Variants in FHIT observed in about 807,000 individuals in gnomAD.
FHIT encodes the protein fragile histidine triad diadenosine triphosphatase.
In FHIT, 19 loss-of-function variants were observed where a neutral mutation model predicts 17.9. The ratio of observed to expected loss-of-function variants is 1.06; its 90% CI spans 0.74 to 1.56. FHIT has a LOEUF of 1.56. FHIT is among the 40% of genes most tolerant of loss of function. The pLI, the probability that FHIT is intolerant of heterozygous loss-of-function variation, is 0.00. For missense variants in FHIT, 248 were observed against 189.2 expected (o/e 1.31, Z -1.82); for synonymous variants, 81 against 69.7 (o/e 1.16, Z -0.81).
At chr3:59,763,404 G>A (rs997272306) in intron 8 of FHIT, among the ~76,000 whole-genome samples, 1 of 152,190 alleles carries the variant, frequency 6.6e-6, no homozygotes, top group Non-Finnish European at 1.5e-5. Flanking sequence ...AACATTGCAG[G>A]CAGCAGCAAC....
intron 5 of FHIT, among the ~76,000 whole-genome samples, chr3:60,175,864 T>C (rs1326768863): frequency 2.0e-5 from 3 of 152,044 alleles, no homozygotes; most frequent in South Asian, 4.1e-4. Flanking sequence ...GTACAACCCA[T>C]AGAAACCATG....
Position 60,920,728 on chromosome 3 carries a change from T to C in FHIT, c.-110-98717A>G, listed in dbSNP as rs1707239412. ...CTGCAGCTGGAGCGGTAGAACCTTTTCAGTCATGTTTAAAGAATTTAAATT... is the reference window on the plus strand; with the variant it reads ...CTGCAGCTGGAGCGGTAGAACCTTTCCAGTCATGTTTAAAGAATTTAAATT... On this transcript the variant is annotated intron_variant, in intron 3 of 9. Coordinates refer to ENST00000492590, the MANE Select transcript of FHIT (RefSeq NM_002012.4). Among the ~76,000 whole-genome samples, 3 of 152,156 alleles carry C rather than the reference T, an allele frequency of 2.0e-5. No homozygotes were observed. The South Asian group carries it at 6.2e-4, about 32-fold the overall frequency.
At chr3:60,296,448 T>A (rs1336206847) in intron 5 of FHIT, among the ~76,000 whole-genome samples, 4 of 152,150 alleles carry the variant, frequency 2.6e-5, no homozygotes, top group Non-Finnish European at 4.4e-5. Context: ...TCTTTTTGTG[T>A]GTTTATCAGT....
chr3:60,730,177 G>C (rs1553710765), intron 4 of FHIT: 1 of 405,244 alleles, frequency 2.5e-6, no homozygotes. Flanking sequence ...GTCACTAATG[G>C]CTCTGTGTAT....
chr3:60,880,451 G>C (rs1704908225), intron 3 of FHIT, among the ~76,000 whole-genome samples: 1 of 152,220 alleles, frequency 6.6e-6, no homozygotes, highest in African/African-American at 2.4e-5. Context: ...CACTGGTAGA[G>C]GCTGAGCATG....
intron 4 of FHIT, among the ~76,000 whole-genome samples, chr3:60,767,087 C>T (rs565660866): frequency 6.6e-6 from 1 of 152,302 alleles, no homozygotes; most frequent in South Asian, 2.1e-4. Context: ...AAACTTACGT[C>T]TTGAATTGAG....
chr3:59,798,532 C>G (rs1403551083), intron 8 of FHIT, among the ~76,000 whole-genome samples: 1 of 152,152 alleles, frequency 6.6e-6, no homozygotes. Flanking sequence ...CACAAGAATT[C>G]AGGGGTGGTC....
intron 2 of FHIT, among the ~76,000 whole-genome samples, chr3:61,173,102 C>G (rs1222387370): frequency 6.6e-6 from 1 of 152,142 alleles, no homozygotes; most frequent in Non-Finnish European, 1.5e-5. Flanking sequence ...TTTTAAATAC[C>G]TTGATTTAAA....
rs1006769507 is a variant in FHIT at position 60,927,780 on chromosome 3, T to G, written c.-110-105769A>C. Among the ~76,000 whole-genome samples the G allele has an allele frequency of 2.6e-5, 4 of 152,142 alleles. No homozygotes were observed. The East Asian group carries it at 5.8e-4, about 22-fold the overall frequency. ...CCGCCTGGGAGGTGAGGAGCCCCTC[T>G]GCCCGGCCGCCAATCCATCTGGGAG... On this transcript the variant is annotated intron_variant, in intron 3 of 9. Transcript: ENST00000492590.
intron 5 of FHIT, among the ~76,000 whole-genome samples, chr3:60,098,831 C>T (rs996297086): frequency 6.6e-6 from 1 of 152,118 alleles, no homozygotes; most frequent in Non-Finnish European, 1.5e-5. Context: ...TTCTGGTAAA[C>T]AGTAGTCAAA....
intron 5 of FHIT, among the ~76,000 whole-genome samples, chr3:60,162,050 T>C (rs1700963761): frequency 6.6e-6 from 1 of 152,092 alleles, no homozygotes; most frequent in Non-Finnish European, 1.5e-5. Context: ...GAGAAATGTA[T>C]GGGGAAATGT....
At chr3:60,856,430 G>A (rs1553750002) in intron 3 of FHIT, 1 of 151,720 alleles carries the variant, frequency 6.6e-6, no homozygotes, top group African/African-American at 2.4e-5. Context: ...CTCCCCAAAG[G>A]AAGAAAAAAA....
rs1420420590 is a variant in FHIT at position 60,690,267 on chromosome 3, C to T, written c.-18+131652G>A. 21 of 547,628 alleles carry T rather than the reference C, an allele frequency of 3.8e-5. No individual in the cohort carries two copies. The Admixed American group carries it at 4.0e-4, about 10-fold the overall frequency. 33.9% of individuals were successfully genotyped at this position (547,628 alleles called of 1,614,324 possible). On this transcript the variant is annotated intron_variant, in intron 4 of 9. Transcript: ENST00000492590. The stretch of plus-strand genomic sequence containing the variant: ...CAGCAATAGTGACCTTCTTGCTAGT[C>T]TTGCCATTCCTGAACACAAAGCGCT...
chr3:61,133,602 A>G (rs1297829123), intron 2 of FHIT, among the ~76,000 whole-genome samples: 4 of 152,240 alleles, frequency 2.6e-5, no homozygotes, highest in Admixed American at 6.5e-5. Flanking sequence ...GGAATCATCT[A>G]TGTAGTGGAA....
intron 3 of FHIT, among the ~76,000 whole-genome samples, chr3:60,828,802 C>T (rs1157482601): frequency 4.6e-5 from 7 of 152,086 alleles, no homozygotes; most frequent in South Asian, 2.1e-4. Flanking sequence ...CAGTTCAACC[C>T]GGGAGGCAGA....
chr3:60,234,371 T>C lies in FHIT; in HGVS notation c.104-220219A>G, dbSNP rs928674171. Among the ~76,000 whole-genome samples the C allele has an allele frequency of 2.0e-5, 3 of 152,316 alleles. No individual in the cohort carries two copies. The South Asian group carries it at 6.2e-4, about 32-fold the overall frequency. On this transcript the variant is annotated intron_variant, in intron 5 of 9. Coordinates refer to ENST00000492590, the MANE Select transcript of FHIT (RefSeq NM_002012.4). The stretch of plus-strand genomic sequence containing the variant: ...TACTTACACATATTAACACAATTAA[T>C]GAATAATTAATACCTGTGAGTTTTC...
intron 5 of FHIT, among the ~76,000 whole-genome samples, chr3:60,257,497 T>C (rs1159618549): frequency 6.6e-6 from 1 of 152,188 alleles, no homozygotes; most frequent in Non-Finnish European, 1.5e-5. Context: ...TCACCCTGGA[T>C]TGTGGCTTTT....
At chr3:59,787,481 AACACACACACACACACACACAC>A (rs58100812) in intron 8 of FHIT, among the ~76,000 whole-genome samples, 27 of 142,502 alleles carry the variant, frequency 1.9e-4, no homozygotes, top group East Asian at 4.2e-4. Context: ...CAAGGGGCAA[AACACACACACACACACACACAC>A]ACACACACAC....
chr3:60,930,561 A>G (rs546040788), intron 3 of FHIT, among the ~76,000 whole-genome samples: 1 of 152,352 alleles, frequency 6.6e-6, no homozygotes, highest in East Asian at 1.9e-4. Context: ...GAAGGATATG[A>G]ACAGACACTT....
Sources: allele counts gnomAD v4.1 joint callset (sites outside exome capture counted in the v4.1 genomes callset), GRCh38; gene constraint gnomAD v4.1.1; transcripts MANE v1.5; gene names NCBI Gene and HGNC (gene_info 2026-07-23, HGNC 2026-07-21).